Variants in SLC8A1 observed in about 807,000 individuals in gnomAD.
SLC8A1 encodes solute carrier family 8 member A1.
SLC8A1 carries 18 observed loss-of-function variants against 68.3 expected under a neutral mutation model. The observed-to-expected ratio is 0.26, with a 90% confidence interval of 0.18 to 0.39. The LOEUF is 0.39. Ranked by LOEUF, SLC8A1 falls within the 10% of genes least tolerant of loss-of-function variation. The pLI, the probability that SLC8A1 is intolerant of heterozygous loss-of-function variation, is 1.00. For missense variants in SLC8A1, 985 were observed against 1,156.7 expected, an observed-to-expected ratio of 0.85 and a Z score of 2.15; for synonymous variants, 475 against 415.5, an observed-to-expected ratio of 1.14 and a Z score of -1.74.
intron 5 of SLC8A1, among the ~76,000 whole-genome samples, chr2:40,163,153 T>C (rs1235782613): frequency 6.6e-6 from 1 of 152,148 alleles, no homozygotes; most frequent in Admixed American, 6.6e-5. Context: ...ATGTAGAGAC[T>C]TGGGGCACTT....
chr2:40,156,654 A>G (rs17025315), intron 6 of SLC8A1, among the ~76,000 whole-genome samples: 1,727 of 149,680 alleles, frequency 0.012, 34 homozygotes, highest in African/African-American at 0.04. Flanking sequence ...CTGGACTATA[A>G]GGAGACCTAA....
intron 2 of SLC8A1, among the ~76,000 whole-genome samples, chr2:40,306,659 TG>T (rs2072672908): frequency 6.6e-6 from 1 of 152,182 alleles, no homozygotes; most frequent in Admixed American, 6.5e-5. Flanking sequence ...AACAAGCCTT[TG>T]CCCAAATAAT....
chr2:40,452,268 G>C (rs1289645274), upstream of SLC8A1, among the ~76,000 whole-genome samples: 1 of 151,216 alleles, frequency 6.6e-6, no homozygotes, highest in East Asian at 2.0e-4. Context: ...GCGCCCCGGG[G>C]CCCCCTGCGC....
intron 2 of SLC8A1, among the ~76,000 whole-genome samples, chr2:40,203,507 T>A (rs779886573): frequency 7.9e-5 from 12 of 151,982 alleles, no homozygotes; most frequent in Non-Finnish European, 1.5e-4. Context: ...AAAAATGCCA[T>A]TCTGTAATAT....
intron 2 of SLC8A1, among the ~76,000 whole-genome samples, chr2:40,228,681 T>C (rs2059288684): frequency 6.6e-6 from 1 of 152,214 alleles, no homozygotes; most frequent in Non-Finnish European, 1.5e-5. Context: ...GGAGCTTTTC[T>C]ATGCAGATAT....
At chr2:40,247,718 G>T (rs966811989) in intron 2 of SLC8A1, among the ~76,000 whole-genome samples, 3 of 152,152 alleles carry the variant, frequency 2.0e-5, no homozygotes, top group African/African-American at 7.2e-5. Flanking sequence ...TAATAAAAAT[G>T]CATAAATAAC....
At chr2:40,254,544 C>CTTGAACTCTTGAAAATATCATTT (rs2063567331) in intron 2 of SLC8A1, 1 of 143,510 alleles carries the variant, frequency 7.0e-6, no homozygotes. Context: ...GAATTAGTCT[C>CTTGAACTCTTGAAAATATCATTT]TTGAACTCTT....
At chr2:40,321,648 G>A (rs1398012728) in intron 2 of SLC8A1, among the ~76,000 whole-genome samples, 1 of 152,168 alleles carries the variant, frequency 6.6e-6, no homozygotes, top group East Asian at 1.9e-4. Context: ...TAAAGGAGAA[G>A]TGCCGAGTAA....
In SLC8A1 at chr2:40,218,979, G is replaced by T. The variant is rs1208485013; in HGVS notation, c.1809-41124C>A. Among the ~76,000 whole-genome samples the T allele has an allele frequency of 5.3e-5, 8 of 152,032 alleles. No homozygotes were observed. The East Asian group carries it at 1.5e-3, about 29-fold the overall frequency. On this transcript the variant is annotated intron_variant, in intron 2 of 7. Transcript: ENST00000406785. ...TTGACTTAGAAAGCAATATTAGCTA[G>T]TGCTTCACAGGAAACTGGGCTTTCC... is the stretch of plus-strand genomic sequence containing the variant.
At chr2:40,446,394 C>T (rs1402287999) in intron 1 of SLC8A1, 1 of 152,228 alleles carries the variant, frequency 6.6e-6, no homozygotes, top group Non-Finnish European at 1.5e-5. Flanking sequence ...AGAAACTGCC[C>T]TAACATTTCT....
At chr2:40,238,126 A>G (rs371293395) in intron 2 of SLC8A1, among the ~76,000 whole-genome samples, 20 of 152,052 alleles carry the variant, frequency 1.3e-4, no homozygotes, top group East Asian at 5.8e-4. Flanking sequence ...GCTGTGGTGG[A>G]CTCCACCCAG....
intron 1 of SLC8A1, among the ~76,000 whole-genome samples, chr2:40,476,255 A>G (rs1704293476): frequency 6.6e-6 from 1 of 152,170 alleles, no homozygotes; most frequent in Non-Finnish European, 1.5e-5. Context: ...TCTGGACCCA[A>G]GGACTAAAGC....
chr2:40,452,374 G>A (rs1214950506), upstream of SLC8A1, among the ~76,000 whole-genome samples: 1 of 152,094 alleles, frequency 6.6e-6, no homozygotes, highest in Non-Finnish European at 1.5e-5. Context: ...CCCAGCCTCT[G>A]CCGGCGAGCA....
At chr2:40,376,333 T>C (rs1679849539) in intron 2 of SLC8A1, among the ~76,000 whole-genome samples, 1 of 152,092 alleles carries the variant, frequency 6.6e-6, no homozygotes, top group African/African-American at 2.4e-5. Context: ...CATGGTCACC[T>C]GGGATTAGAG....
intron 2 of SLC8A1, among the ~76,000 whole-genome samples, chr2:40,180,231 C>CTTTA (rs59133549): frequency 0.79 from 120,145 of 151,652 alleles, 48,302 homozygotes; most frequent in Middle Eastern, 0.87. Flanking sequence ...AAATTTGCAT[C>CTTTA]TTTAGTATAA....
Position 40,347,660 on chromosome 2 carries a change from A to C in SLC8A1, c.1808+80813T>G, listed in dbSNP as rs573248399. On this transcript the variant is annotated intron_variant, in intron 2 of 7. Transcript: ENST00000406785. Reference sequence around the variant, plus strand: ...ATTGTCTATAACATCTATTGGCTTTAATCGAATGTTATACTAACAATTTTA... The same window carrying C: ...ATTGTCTATAACATCTATTGGCTTTCATCGAATGTTATACTAACAATTTTA... Among the ~76,000 whole-genome samples the C allele has an allele frequency of 1.9e-4, 29 of 152,328 alleles. No homozygotes were observed. In the South Asian group the frequency reaches 5.6e-3, roughly 29 times the overall value.
At chr2:40,223,226 T>C (rs1257568704) in intron 2 of SLC8A1, among the ~76,000 whole-genome samples, 1 of 152,172 alleles carries the variant, frequency 6.6e-6, no homozygotes, top group Non-Finnish European at 1.5e-5. Flanking sequence ...GGGACATGGA[T>C]GAAGTTGGAA....
At chr2:40,292,946 T>C (rs372701866) in intron 2 of SLC8A1, among the ~76,000 whole-genome samples, 30 of 152,290 alleles carry the variant, frequency 2.0e-4, no homozygotes, top group East Asian at 1.5e-3. Context: ...TGAGAAACCA[T>C]AGATCATGGG....
intron 7 of SLC8A1, among the ~76,000 whole-genome samples, chr2:40,130,503 G>T (rs1174561389): frequency 1.3e-5 from 2 of 152,276 alleles, no homozygotes; most frequent in African/African-American, 4.8e-5. Context: ...GCTGTCCCGT[G>T]CTGCCCGTCT....
Sources: gnomAD v4.1 joint callset for allele counts (sites outside exome capture counted in the v4.1 genomes callset) on GRCh38, gnomAD v4.1.1 for gene constraint, MANE v1.5 for transcripts, NCBI Gene and HGNC (gene_info 2026-07-23, HGNC 2026-07-21) for gene names.